CSMD3: variants seen among roughly 807,000 people sequenced by gnomAD.
The protein encoded by CSMD3 is CUB and Sushi multiple domains 3.
In CSMD3, 177 loss-of-function variants were observed where a neutral mutation model predicts 435.2. The observed-to-expected ratio is 0.41, with a 90% CI of 0.36 to 0.46. The LOEUF (loss-of-function observed/expected upper bound fraction) is 0.46, where lower values mean the gene tolerates loss of function less well. Among genes scored for constraint, CSMD3 ranks in the 20% least tolerant of loss-of-function variants. The pLI, the probability that CSMD3 is intolerant of heterozygous loss-of-function variation, is 0.34. For missense variants in CSMD3, 4,265 were observed against 4,504.6 expected (o/e 0.95, Z 1.52); for synonymous variants, 1,656 against 1,520.5 (o/e 1.09, Z -2.07).
At chr8:112,482,065 A>G (rs1264412968) in intron 31 of CSMD3, among the ~76,000 whole-genome samples, 1 of 152,040 alleles carries the variant, frequency 6.6e-6, no homozygotes. Context: ...CATTTTAATG[A>G]CTCAATAAGT....
At chr8:112,915,727 C>T (rs2082553475) in intron 10 of CSMD3, among the ~76,000 whole-genome samples, 1 of 151,676 alleles carries the variant, frequency 6.6e-6, no homozygotes, top group Non-Finnish European at 1.5e-5. Flanking sequence ...AATCAATAAC[C>T]ATCATTCTGG....
intron 32 of CSMD3, among the ~76,000 whole-genome samples, chr8:112,451,595 A>G (rs1816279841): frequency 6.6e-6 from 1 of 151,682 alleles, no homozygotes; most frequent in Admixed American, 6.6e-5. Context: ...GTGGAGTGCA[A>G]TGGCACCTTC....
chr8:112,581,953 T>C (rs1268781403), intron 23 of CSMD3, among the ~76,000 whole-genome samples: 1 of 151,918 alleles, frequency 6.6e-6, no homozygotes, highest in Non-Finnish European at 1.5e-5. Flanking sequence ...TGAGGAAGAA[T>C]ATGTAAGCAG....
intron 3 of CSMD3, among the ~76,000 whole-genome samples, chr8:113,176,438 T>C (rs2092347567): frequency 1.3e-5 from 2 of 152,138 alleles, no homozygotes. Context: ...AAAGCAAGTA[T>C]GATGTGTCAC....
chr8:112,639,526 C>A (rs1045202122), intron 20 of CSMD3, among the ~76,000 whole-genome samples: 8 of 152,080 alleles, frequency 5.3e-5, no homozygotes, highest in Non-Finnish European at 1.2e-4. Context: ...GTATCCAAAT[C>A]AATAGCCACA....
At chr8:112,628,866 G>A (rs892352554) in intron 22 of CSMD3, among the ~76,000 whole-genome samples, 1 of 152,084 alleles carries the variant, frequency 6.6e-6, no homozygotes, top group African/African-American at 2.4e-5. Flanking sequence ...AAGGGATTAG[G>A]CCAAATTATG....
chr8:112,484,419 C>G (rs939335831), intron 31 of CSMD3, among the ~76,000 whole-genome samples: 1 of 151,958 alleles, frequency 6.6e-6, no homozygotes, highest in South Asian at 2.1e-4. Flanking sequence ...CTTGCCATGA[C>G]TACTAACAGT....
intron 13 of CSMD3, among the ~76,000 whole-genome samples, chr8:112,694,608 A>G (rs2076211464): frequency 6.6e-6 from 1 of 152,124 alleles, no homozygotes; most frequent in Non-Finnish European, 1.5e-5. Flanking sequence ...GACTGGAAAC[A>G]ATACACAGTA....
intron 11 of CSMD3, among the ~76,000 whole-genome samples, chr8:112,846,019 GGAA>G (rs2080307553): frequency 6.6e-6 from 1 of 151,886 alleles, no homozygotes; most frequent in Non-Finnish European, 1.5e-5. Context: ...TCAAGGAAAA[GGAA>G]GTAGTCAATA....
chr8:112,306,628 T>A (rs1821445403), intron 50 of CSMD3, among the ~76,000 whole-genome samples: 2 of 152,148 alleles, frequency 1.3e-5, no homozygotes, highest in Non-Finnish European at 2.9e-5. Context: ...TGAATCATAA[T>A]TTTGGTCAGG....
chr8:112,588,642 T>C (rs929216355), intron 22 of CSMD3, among the ~76,000 whole-genome samples: 4 of 152,058 alleles, frequency 2.6e-5, no homozygotes, highest in Non-Finnish European at 2.9e-5. Context: ...AATAGCAACA[T>C]GTATCTAATA....
intron 32 of CSMD3, among the ~76,000 whole-genome samples, chr8:112,449,586 T>C (rs945221520): frequency 1.3e-5 from 2 of 152,206 alleles, no homozygotes; most frequent in African/African-American, 4.8e-5. Context: ...TTTTATTCCT[T>C]TGAATTTTCT....
In CSMD3 at chr8:112,287,074, T is replaced by C. The variant is rs1434936840; in HGVS notation, c.9321A>G (p.Pro3107=). Reference sequence around the variant, plus strand: ...TCTGCTTGAGATTACCTTTGCACTCTGGCTGCCTTCCGGTCCAACTGCCAT... The same window carrying C: ...TCTGCTTGAGATTACCTTTGCACTCCGGCTGCCTTCCGGTCCAACTGCCAT... ...LANGSWTGRQ[P]ECKAVQCGNP... is the part of the protein sequence containing the mutation. The change falls in exon 58 of 71, where the codon CCA becomes CCG. Residue 3107 remains proline, a synonymous_variant. Coordinates refer to ENST00000297405, the MANE Select transcript of CSMD3 (RefSeq NM_198123.2). The C allele has an allele frequency of 2.5e-6, 4 of 1,613,522 alleles. No individual in the cohort carries two copies. Among genetic ancestry groups the C allele is most frequent in the Non-Finnish European group, 3.4e-6 (4 of 1,179,584 alleles).
intron 2 of CSMD3, among the ~76,000 whole-genome samples, chr8:113,287,845 A>T (rs1563654628): frequency 6.6e-6 from 1 of 151,978 alleles, no homozygotes; most frequent in South Asian, 2.1e-4. Flanking sequence ...CAAATTCTTG[A>T]TTACCTGAAA....
At chr8:112,431,454 TA>T (rs1328103337) in intron 32 of CSMD3, among the ~76,000 whole-genome samples, 4 of 152,082 alleles carry the variant, frequency 2.6e-5, no homozygotes, top group Non-Finnish European at 4.4e-5. Context: ...ATTTTATACA[TA>T]AAACATACAG....
chr8:112,906,830 A>G (rs2082277121), intron 10 of CSMD3, among the ~76,000 whole-genome samples: 1 of 151,454 alleles, frequency 6.6e-6, no homozygotes, highest in Non-Finnish European at 1.5e-5. Context: ...AATCTTCCAT[A>G]TTACAACCAT....
At chr8:112,919,233 T>C (rs1554718899) in intron 10 of CSMD3, among the ~76,000 whole-genome samples, 1 of 151,918 alleles carries the variant, frequency 6.6e-6, no homozygotes, top group South Asian at 2.1e-4. Context: ...AATACATATG[T>C]TATATATATA....
At chr8:112,742,442 A>G (rs1238440470) in intron 13 of CSMD3, among the ~76,000 whole-genome samples, 3 of 151,904 alleles carry the variant, frequency 2.0e-5, no homozygotes, top group African/African-American at 4.8e-5. Context: ...TTCATTCCTT[A>G]CACACTGTGG....
At chr8:113,343,938 T>C (rs2094136142) in intron 1 of CSMD3, among the ~76,000 whole-genome samples, 1 of 152,126 alleles carries the variant, frequency 6.6e-6, no homozygotes, top group Admixed American at 6.6e-5. Context: ...AAATAATTAG[T>C]TGTAATAATG....
Sources: gnomAD v4.1 joint callset for allele counts (sites outside exome capture counted in the v4.1 genomes callset) on GRCh38, gnomAD v4.1.1 for gene constraint, MANE v1.5 for transcripts, NCBI Gene and HGNC (gene_info 2026-07-23, HGNC 2026-07-21) for gene names.